CNOT10: variants seen among roughly 807,000 people sequenced by gnomAD.
CNOT10 encodes the protein CCR4-NOT transcription complex subunit 10.
CNOT10 carries 30 observed loss-of-function variants against 94.6 expected under a neutral mutation model. That is an observed-to-expected ratio of 0.32 (90% CI 0.24 to 0.43). CNOT10 has a LOEUF of 0.43. CNOT10 is among the 20% of genes least tolerant of loss of function. CNOT10 has a pLI of 1.00. For missense variants in CNOT10, 759 were observed against 877.2 expected, an observed-to-expected ratio of 0.87 and a Z score of 1.70; for synonymous variants, 289 against 301.6, an observed-to-expected ratio of 0.96 and a Z score of 0.43.
intron 1 of CNOT10, among the ~76,000 whole-genome samples, chr3:32,698,507 GT>G (rs1697182506): frequency 1.3e-5 from 2 of 152,070 alleles, no homozygotes; most frequent in Admixed American, 6.6e-5. Context: ...TAATTTTTAT[GT>G]TTAAATTACA....
At chr3:32,714,746 C>CA (rs936865637) in intron 5 of CNOT10, among the ~76,000 whole-genome samples, 1 of 152,126 alleles carries the variant, frequency 6.6e-6, no homozygotes, top group African/African-American at 2.4e-5. Context: ...GTTTAAGCTT[C>CA]ACCATGTTCT....
chr3:32,765,658 A>C (rs550321754), intron 17 of CNOT10, among the ~76,000 whole-genome samples: 586 of 43,706 alleles, frequency 0.013, 227 homozygotes, highest in African/African-American at 0.036. Context: ...CTGTCCCCCC[A>C]AAAAAAAAAG....
intron 10 of CNOT10, among the ~76,000 whole-genome samples, chr3:32,731,834 T>C (rs1306614349): frequency 3.9e-5 from 6 of 152,064 alleles, no homozygotes; most frequent in Non-Finnish European, 8.8e-5. Flanking sequence ...TTCCCAGCAC[T>C]TCGGGAGGCT....
intron 8 of CNOT10, among the ~76,000 whole-genome samples, chr3:32,722,162 AT>A (rs1240468821): frequency 2.0e-5 from 3 of 152,158 alleles, no homozygotes; most frequent in African/African-American, 7.2e-5. Flanking sequence ...AACAATTAAT[AT>A]GTATTTTGGT....
In CNOT10 at chr3:32,717,149, G is replaced by C; in HGVS notation, c.661-5G>C. ...TTTAACATACTAACATTTTCCCTTT[G>C]ACAGTACAAAGTACGAGCTTATATC... On this transcript the variant is annotated splice_polypyrimidine_tract_variant and splice_region_variant and intron_variant, in intron 6 of 18. Transcript: ENST00000328834. The C allele has an allele frequency of 6.4e-7, 1 of 1,558,386 alleles. No individual in the cohort carries two copies. The highest frequency in any genetic ancestry group is 8.7e-7 in the Non-Finnish European group (1 of 1,144,456).
At chr3:32,737,111 C>G (rs775427393) in intron 12 of CNOT10, among the ~76,000 whole-genome samples, 1 of 152,012 alleles carries the variant, frequency 6.6e-6, no homozygotes, top group Non-Finnish European at 1.5e-5. Context: ...GTCGGGAGTT[C>G]GAGACCAGCC....
At chr3:32,694,658 CG>C (rs1348309440) in intron 1 of CNOT10, among the ~76,000 whole-genome samples, 1 of 152,026 alleles carries the variant, frequency 6.6e-6, no homozygotes, top group Non-Finnish European at 1.5e-5. Context: ...GGCATGATCT[CG>C]GGTCACTGCA....
chr3:32,741,910 T>TA (rs1415828232), intron 13 of CNOT10, among the ~76,000 whole-genome samples: 1 of 152,022 alleles, frequency 6.6e-6, no homozygotes, highest in African/African-American at 2.4e-5. Context: ...TAAAAAAATT[T>TA]ATTTTTTCAT....
intron 10 of CNOT10, among the ~76,000 whole-genome samples, chr3:32,728,691 G>A (rs1405961962): frequency 6.6e-6 from 1 of 152,182 alleles, no homozygotes; most frequent in Non-Finnish European, 1.5e-5. Context: ...CAACATTAAA[G>A]AGTTGAAGCC....
intron 10 of CNOT10, among the ~76,000 whole-genome samples, chr3:32,732,322 G>A (rs887026532): frequency 6.6e-6 from 1 of 151,846 alleles, no homozygotes; most frequent in Non-Finnish European, 1.5e-5. Flanking sequence ...CTCAGGAGGT[G>A]AAGGTTGCAG....
chr3:32,717,879 A>G (rs899038304), intron 7 of CNOT10, among the ~76,000 whole-genome samples: 1 of 152,160 alleles, frequency 6.6e-6, no homozygotes, highest in African/African-American at 2.4e-5. Flanking sequence ...ACATTTTTTA[A>G]ATAAAAAAAA....
intron 13 of CNOT10, among the ~76,000 whole-genome samples, chr3:32,749,167 T>A (rs1186859057): frequency 6.7e-6 from 1 of 148,582 alleles, no homozygotes; most frequent in Non-Finnish European, 1.5e-5. Context: ...ATATATGACT[T>A]GTAGTTATTT....
intron 1 of CNOT10, among the ~76,000 whole-genome samples, chr3:32,690,596 G>GAC (rs1413215911): frequency 3.9e-5 from 6 of 152,134 alleles, no homozygotes; most frequent in African/African-American, 1.4e-4. Flanking sequence ...GCCCAGGCTG[G>GAC]AGTGCAGTGG....
chr3:32,701,854 G>A (rs994686160), intron 1 of CNOT10, among the ~76,000 whole-genome samples: 2 of 152,164 alleles, frequency 1.3e-5, no homozygotes, highest in African/African-American at 4.8e-5. Context: ...GTGCAGTGGT[G>A]CAATCTCGGC....
chr3:32,722,781 C>G (rs149188593), intron 8 of CNOT10, among the ~76,000 whole-genome samples: 1 of 152,050 alleles, frequency 6.6e-6, no homozygotes, highest in African/African-American at 2.4e-5. Context: ...GTCAGGAGTT[C>G]AAGACCAGGC....
intron 8 of CNOT10, 115 bp from the exon 9 acceptor site, chr3:32,725,334 TA>T: frequency 1.3e-6 from 1 of 789,900 alleles, no homozygotes; most frequent in Non-Finnish European, 2.2e-6. Flanking sequence ...AACTGTTCTT[TA>T]GGGAGTAAGT....
intron 8 of CNOT10, among the ~76,000 whole-genome samples, chr3:32,721,429 C>CTT (rs58351356): frequency 0.025 from 1,839 of 72,562 alleles, 132 homozygotes; most frequent in African/African-American, 0.028. Context: ...TTTCTTTCAT[C>CTT]TTTTTTTTTT....
intron 1 of CNOT10, among the ~76,000 whole-genome samples, chr3:32,686,707 C>T (rs1208485860): frequency 6.6e-6 from 1 of 152,186 alleles, no homozygotes; most frequent in East Asian, 1.9e-4. Flanking sequence ...AAGGCTGGAC[C>T]AGGGGACCAA....
chr3:32,731,506 C>T (rs550707708), intron 10 of CNOT10, among the ~76,000 whole-genome samples: 34 of 152,238 alleles, frequency 2.2e-4, no homozygotes, highest in Admixed American at 1.2e-3. Context: ...GACAGAGTCT[C>T]ACTCTTCACT....
Sources: allele counts gnomAD v4.1 joint callset (sites outside exome capture counted in the v4.1 genomes callset), GRCh38; gene constraint gnomAD v4.1.1; transcripts MANE v1.5; gene names NCBI Gene and HGNC (gene_info 2026-07-23, HGNC 2026-07-21).